The following MOB3B variants were observed in gnomAD, a reference collection of about 807,000 sequenced individuals.
MOB3B encodes MOB kinase activator 3B.
In MOB3B, 7 loss-of-function variants were observed where a neutral mutation model predicts 18.7. The observed-to-expected ratio is 0.37, with a 90% CI of 0.21 to 0.70. The LOEUF (loss-of-function observed/expected upper bound fraction) is 0.70. Ranked by LOEUF, MOB3B falls within the 30% of genes least tolerant of loss-of-function variation. The pLI is 0.52. For missense variants in MOB3B, 253 were observed against 281.3 expected (o/e 0.90, Z 0.72); for synonymous variants, 111 against 99.9 (o/e 1.11, Z -0.66).
intron 2 of MOB3B, among the ~76,000 whole-genome samples, chr9:27,419,910 C>A (rs1230099649): frequency 6.6e-6 from 1 of 151,992 alleles, no homozygotes; most frequent in East Asian, 1.9e-4. Context: ...ATACATCTGA[C>A]AAAAGACCAA....
At chr9:27,431,047 CTGCGATTTTG>C (rs1822409811) in intron 2 of MOB3B, among the ~76,000 whole-genome samples, 2 of 152,044 alleles carry the variant, frequency 1.3e-5, no homozygotes, top group African/African-American at 4.8e-5. Context: ...TTGTAAATGA[CTGCGATTTTG>C]TGCAGAGTTA....
chr9:27,502,047 A>C (rs1820000140), intron 1 of MOB3B, among the ~76,000 whole-genome samples: 1 of 152,038 alleles, frequency 6.6e-6, no homozygotes, highest in Non-Finnish European at 1.5e-5. Context: ...TTTGCCATCA[A>C]TTTGCCTCTC....
intron 2 of MOB3B, among the ~76,000 whole-genome samples, chr9:27,428,648 C>T (rs985142107): frequency 6.6e-6 from 1 of 152,184 alleles, no homozygotes; most frequent in Admixed American, 6.5e-5. Flanking sequence ...GACTTATTGC[C>T]AGGGAAGATG....
At chr9:27,487,708 G>T (rs1411862428) in intron 1 of MOB3B, among the ~76,000 whole-genome samples, 2 of 152,124 alleles carry the variant, frequency 1.3e-5, no homozygotes, top group Non-Finnish European at 2.9e-5. Context: ...TTAGAAGCAA[G>T]AGTTCGAAGA....
intron 1 of MOB3B, among the ~76,000 whole-genome samples, chr9:27,484,128 T>C (rs1216321435): frequency 1.3e-5 from 2 of 152,190 alleles, no homozygotes; most frequent in South Asian, 2.1e-4. Flanking sequence ...TTTCATAATA[T>C]ATGCTCTTCT....
chr9:27,428,340 G>A (rs945904586), intron 2 of MOB3B, among the ~76,000 whole-genome samples: 1 of 152,122 alleles, frequency 6.6e-6, no homozygotes, highest in African/African-American at 2.4e-5. Flanking sequence ...CCAAAGTTCT[G>A]CATTTTTAAC....
intron 3 of MOB3B, among the ~76,000 whole-genome samples, chr9:27,356,170 T>G (rs1350749574): frequency 6.6e-6 from 1 of 152,232 alleles, no homozygotes; most frequent in Non-Finnish European, 1.5e-5. Context: ...TTCAGACAAT[T>G]AAGCATTTAA....
chr9:27,475,295 C>G (rs963381333), intron 1 of MOB3B, among the ~76,000 whole-genome samples: 3 of 152,358 alleles, frequency 2.0e-5, no homozygotes, highest in Middle Eastern at 3.4e-3. Flanking sequence ...GCTGCAGCCT[C>G]AGCCTTGGGA....
intron 2 of MOB3B, among the ~76,000 whole-genome samples, chr9:27,375,502 C>A (rs1323688287): frequency 2.0e-5 from 3 of 152,188 alleles, no homozygotes; most frequent in Admixed American, 2.0e-4. Context: ...TATTTGCACA[C>A]TACATGGACA....
chr9:27,510,918 G>C (rs1002983379), intron 1 of MOB3B, among the ~76,000 whole-genome samples: 1 of 152,154 alleles, frequency 6.6e-6, no homozygotes, highest in African/African-American at 2.4e-5. Flanking sequence ...AGGGGCATTA[G>C]TGCCTTTTCC....
chr9:27,340,662 A>T (rs1056866841), intron 3 of MOB3B, among the ~76,000 whole-genome samples: 5 of 151,844 alleles, frequency 3.3e-5, no homozygotes, highest in African/African-American at 1.2e-4. Context: ...TCCCACCTGT[A>T]TCAACCTGGC....
At chr9:27,338,493 C>T (rs1245062662) in intron 3 of MOB3B, among the ~76,000 whole-genome samples, 1 of 152,140 alleles carries the variant, frequency 6.6e-6, no homozygotes, top group African/African-American at 2.4e-5. Flanking sequence ...GAGTGTCTGA[C>T]TTCAAGGAAG....
chr9:27,452,453 AC>A (rs1292761059), intron 2 of MOB3B, among the ~76,000 whole-genome samples: 1 of 152,232 alleles, frequency 6.6e-6, no homozygotes, highest in Non-Finnish European at 1.5e-5. Context: ...GTGGTAAGAA[AC>A]AAACCACTTC....
intron 2 of MOB3B, among the ~76,000 whole-genome samples, chr9:27,360,500 G>A (rs1368156442): frequency 2.0e-5 from 3 of 152,250 alleles, no homozygotes; most frequent in East Asian, 1.9e-4. Context: ...GTGAGACTCC[G>A]TCTCAAACAA....
intron 2 of MOB3B, among the ~76,000 whole-genome samples, chr9:27,382,694 G>A (rs954046983): frequency 1.4e-5 from 2 of 138,856 alleles, no homozygotes; most frequent in African/African-American, 5.4e-5. Context: ...ATGCCTCTCT[G>A]GTGTGAAATG....
At chr9:27,486,843 T>C (rs960660188) in intron 1 of MOB3B, among the ~76,000 whole-genome samples, 13 of 152,106 alleles carry the variant, frequency 8.5e-5, no homozygotes, top group African/African-American at 3.1e-4. Context: ...GAATGCTTAG[T>C]GTTGGGGCTG....
chr9:27,527,855 C>A (rs139690391), intron 1 of MOB3B, among the ~76,000 whole-genome samples: 392 of 152,334 alleles, frequency 2.6e-3, no homozygotes, highest in Non-Finnish European at 4.5e-3. Flanking sequence ...TGCCCCAGTT[C>A]TTTAATCAAT....
At chr9:27,529,418 C>G (rs979629283) in intron 1 of MOB3B, 137 bp downstream of exon 1, 1 of 417,928 alleles carries the variant, frequency 2.4e-6, no homozygotes, top group African/African-American at 2.2e-5. Flanking sequence ...GGCAGAAGAC[C>G]GGTCCGCCGC....
intron 1 of MOB3B, among the ~76,000 whole-genome samples, chr9:27,466,045 G>T (rs1819378354): frequency 6.6e-6 from 1 of 152,202 alleles, no homozygotes; most frequent in African/African-American, 2.4e-5. Flanking sequence ...CAGCCGACTT[G>T]AATTTCTCCT....
Sources: allele counts gnomAD v4.1 joint callset (sites outside exome capture counted in the v4.1 genomes callset), GRCh38; gene constraint gnomAD v4.1.1; transcripts MANE v1.5; gene names NCBI Gene and HGNC (gene_info 2026-07-23, HGNC 2026-07-21).